TLK2: variants seen among roughly 807,000 people sequenced by gnomAD.
The protein encoded by TLK2 is tousled like kinase 2, also known as serine/threonine-protein kinase tousled-like 2.
A neutral mutation model predicts 117.3 loss-of-function variants in TLK2; 6 were observed. That is an observed-to-expected ratio of 0.05 (90% CI 0.03 to 0.10). TLK2 has a LOEUF of 0.10. Ranked by LOEUF, TLK2 falls within the 10% of genes least tolerant of loss-of-function variation. TLK2 has a pLI of 1.00. For missense variants in TLK2, 299 were observed against 901.2 expected (o/e 0.33, Z 8.56); for synonymous variants, 257 against 316.7 (o/e 0.81, Z 2.00).
chr17:62,577,796 A>C (rs894789657), intron 13 of TLK2, among the ~76,000 whole-genome samples: 1 of 152,224 alleles, frequency 6.6e-6, no homozygotes, highest in Non-Finnish European at 1.5e-5. Context: ...CTGTAATGCC[A>C]GCACTTTGGG....
At chr17:62,566,525 G>T (rs1237082307) in intron 11 of TLK2, among the ~76,000 whole-genome samples, 1 of 152,132 alleles carries the variant, frequency 6.6e-6, no homozygotes, top group Non-Finnish European at 1.5e-5. Context: ...TCAAGTCAAA[G>T]AATACCTTGG....
chr17:62,475,490 C>T (rs982863447), upstream of TLK2, among the ~76,000 whole-genome samples: 3 of 151,848 alleles, frequency 2.0e-5, no homozygotes, highest in African/African-American at 4.8e-5. Context: ...TTACAGGTGC[C>T]CACCACCACG....
chr17:62,581,954 A>T (rs960325643), intron 15 of TLK2, among the ~76,000 whole-genome samples: 25 of 152,152 alleles, frequency 1.6e-4, no homozygotes, highest in African/African-American at 6.0e-4. Flanking sequence ...GACTCATAAA[A>T]ATTCTTGGGC....
In TLK2 at chr17:62,481,205, A is replaced by C; in HGVS notation, c.80A>C (p.Lys27Thr). 6.2e-7 allele frequency: 1 copy of C among 1,613,872 alleles called. No homozygotes were observed. The highest frequency in any genetic ancestry group is 8.5e-7 in the Non-Finnish European group (1 of 1,179,784). Reference protein sequence around the residue: ...EARFTGVGVSKGPLNSESSNQ... With the variant: ...EARFTGVGVSTGPLNSESSNQ... ...AGGTTTACTGGAGTAGGTGTTAGTA[A>C]GGTGAGTAAAATGATGATCATGAAC... is the stretch of plus-strand genomic sequence containing the variant. Residue 27 changes from lysine to threonine, a missense_variant and splice_region_variant, in exon 2 of 22, where the codon AAG becomes ACG. Transcript: ENST00000346027.
chr17:62,588,303 A>G (rs994339899), intron 16 of TLK2, among the ~76,000 whole-genome samples: 1 of 152,184 alleles, frequency 6.6e-6, no homozygotes, highest in Non-Finnish European at 1.5e-5. Context: ...CGTTCTGCCC[A>G]TCTAGCCTTT....
At chr17:62,595,779 A>G (rs2082432861) in intron 16 of TLK2, among the ~76,000 whole-genome samples, 1 of 152,170 alleles carries the variant, frequency 6.6e-6, no homozygotes, top group Non-Finnish European at 1.5e-5. Flanking sequence ...TTTTTGTAAG[A>G]AGGATTTAAA....
chr17:62,532,195 G>A (rs1430409492), intron 6 of TLK2, among the ~76,000 whole-genome samples: 1 of 151,924 alleles, frequency 6.6e-6, no homozygotes, highest in African/African-American at 2.4e-5. Flanking sequence ...TGTTGTTGTT[G>A]TTCGCCCATA....
intron 13 of TLK2, among the ~76,000 whole-genome samples, chr17:62,577,160 C>T (rs923034643): frequency 2.0e-5 from 3 of 151,778 alleles, no homozygotes; most frequent in Non-Finnish European, 4.4e-5. Context: ...ACGGGGGTCT[C>T]ACCATTAGGC....
chr17:62,577,249 G>A (rs1033339440), intron 13 of TLK2, among the ~76,000 whole-genome samples: 2 of 152,072 alleles, frequency 1.3e-5, no homozygotes, highest in African/African-American at 4.8e-5. Flanking sequence ...ACAGGTGTGA[G>A]CCACCATGCC....
At chr17:62,485,869 G>A (rs1475328482) in intron 2 of TLK2, among the ~76,000 whole-genome samples, 1 of 141,034 alleles carries the variant, frequency 7.1e-6, no homozygotes, top group Admixed American at 7.7e-5. Flanking sequence ...CGCCCAGGCT[G>A]GAGTGCAGTG....
At chr17:62,587,176 G>A (rs1229895513) in intron 16 of TLK2, among the ~76,000 whole-genome samples, 2 of 152,178 alleles carry the variant, frequency 1.3e-5, no homozygotes, top group Non-Finnish European at 1.5e-5. Context: ...TTGTTCCACT[G>A]ATGTCAGGTT....
chr17:62,494,588 G>GT (rs2073454537), intron 2 of TLK2, among the ~76,000 whole-genome samples: 1 of 151,048 alleles, frequency 6.6e-6, no homozygotes, highest in African/African-American at 2.4e-5. Context: ...GTTTCACCAC[G>GT]TTGCCCAGGC....
upstream of TLK2, among the ~76,000 whole-genome samples, chr17:62,474,771 C>T (rs2071006126): frequency 6.6e-6 from 1 of 152,036 alleles, no homozygotes; most frequent in African/African-American, 2.4e-5. Context: ...AAGTGATCCA[C>T]TGCCTCGGCC....
At chr17:62,549,119 C>T (rs1293379853) in intron 7 of TLK2, among the ~76,000 whole-genome samples, 5 of 147,042 alleles carry the variant, frequency 3.4e-5, no homozygotes, top group African/African-American at 9.9e-5. Context: ...TAGGGCCGGG[C>T]GCGGTGGCTC....
intron 2 of TLK2, among the ~76,000 whole-genome samples, chr17:62,501,169 T>C (rs1228363170): frequency 1.3e-5 from 2 of 151,712 alleles, no homozygotes; most frequent in Non-Finnish European, 1.5e-5. Context: ...ACCTGGGAGG[T>C]GGAGCTTGCA....
At chr17:62,512,503 C>T (rs1049383293) in intron 2 of TLK2, among the ~76,000 whole-genome samples, 2 of 151,946 alleles carry the variant, frequency 1.3e-5, no homozygotes, top group African/African-American at 2.4e-5. Flanking sequence ...TGAGCCACCG[C>T]CCCCGGCCTA....
At chr17:62,541,484 A>G (rs973127648) in intron 7 of TLK2, among the ~76,000 whole-genome samples, 5 of 152,280 alleles carry the variant, frequency 3.3e-5, no homozygotes, top group Non-Finnish European at 5.9e-5. Flanking sequence ...AGGTAGCTGT[A>G]TATACACCAA....
In TLK2 at chr17:62,509,249, C is replaced by T. The variant is rs569439853; in HGVS notation, c.82-11524C>T. On this transcript the variant is annotated intron_variant, in intron 2 of 21. Coordinates refer to ENST00000346027, the MANE Select transcript of TLK2 (RefSeq NM_006852.6). ...GACCACAGGCATGGGCCACCACACC[C>T]GGGTAATTTTCTAATTTTTTGTAGA... Among the ~76,000 whole-genome samples the T allele has an allele frequency of 3.4e-3, 520 of 152,142 alleles. 4 individuals are homozygous for T. The highest frequency in any genetic ancestry group is 0.011 in the African/African-American group (471 of 41,522).
chr17:62,526,195 C>T (rs2076356889), intron 6 of TLK2, among the ~76,000 whole-genome samples: 1 of 152,184 alleles, frequency 6.6e-6, no homozygotes, highest in Non-Finnish European at 1.5e-5. Flanking sequence ...TTTTCCTTGC[C>T]TGCCTCTAGG....
Sources: allele counts gnomAD v4.1 joint callset (sites outside exome capture counted in the v4.1 genomes callset), GRCh38; gene constraint gnomAD v4.1.1; transcripts MANE v1.5; gene names NCBI Gene and HGNC (gene_info 2026-07-23, HGNC 2026-07-21).